FGF12: variants seen among roughly 807,000 people sequenced by gnomAD.
FGF12 encodes the protein fibroblast growth factor 12B.
FGF12 carries 14 observed loss-of-function variants against 23.6 expected under a neutral mutation model. The observed-to-expected ratio is 0.59, with a 90% CI of 0.39 to 0.93. The LOEUF (loss-of-function observed/expected upper bound fraction) is 0.93. FGF12 is among the 40% of genes least tolerant of loss of function. The probability of loss-of-function intolerance (pLI) is 0.00; values close to 1 mark genes in which losing one functional copy is unlikely to be tolerated. For synonymous variants in FGF12, 62 were observed against 77.3 expected (o/e 0.80, Z 1.04); for missense variants, 175 against 217.8 (o/e 0.80, Z 1.24).
At chr3:192,577,877 T>G (rs1712977028) in intron 2 of FGF12, among the ~76,000 whole-genome samples, 1 of 149,496 alleles carries the variant, frequency 6.7e-6, no homozygotes, top group Non-Finnish European at 1.5e-5. Context: ...ATGTGAAGTG[T>G]TAGATAAAGC....
intron 4 of FGF12, among the ~76,000 whole-genome samples, chr3:192,275,729 G>A (rs1373349666): frequency 6.6e-6 from 1 of 152,126 alleles, no homozygotes; most frequent in Non-Finnish European, 1.5e-5. Flanking sequence ...TAAACAACTA[G>A]AAATGTACTT....
At chr3:192,696,843 A>G (rs770093651) in intron 2 of FGF12, among the ~76,000 whole-genome samples, 4 of 151,950 alleles carry the variant, frequency 2.6e-5, no homozygotes, top group Non-Finnish European at 5.9e-5. Context: ...TTTATATAAC[A>G]AGGCCACACT....
intron 2 of FGF12, among the ~76,000 whole-genome samples, chr3:192,625,535 G>T (rs1396010351): frequency 6.6e-6 from 1 of 151,956 alleles, no homozygotes; most frequent in African/African-American, 2.4e-5. Context: ...GGCTGTTACT[G>T]CCTTTTAAAA....
intron 2 of FGF12, among the ~76,000 whole-genome samples, chr3:192,393,837 G>A (rs555877576): frequency 6.6e-6 from 1 of 152,116 alleles, no homozygotes; most frequent in Admixed American, 6.6e-5. Flanking sequence ...CTAAGAGAAT[G>A]TCAAGGCTGA....
At chr3:192,436,071 C>T (rs1039088219) in intron 2 of FGF12, among the ~76,000 whole-genome samples, 4 of 152,164 alleles carry the variant, frequency 2.6e-5, no homozygotes, top group South Asian at 2.1e-4. Context: ...ACTCACTTCA[C>T]GCCAGGCCTC....
chr3:192,580,929 TG>T (rs1488092135), intron 2 of FGF12, among the ~76,000 whole-genome samples: 1 of 152,194 alleles, frequency 6.6e-6, no homozygotes, highest in African/African-American at 2.4e-5. Context: ...CACTAATACA[TG>T]TTGTGAGGAT....
Position 192,408,423 on chromosome 3 carries a change from A to G in FGF12, c.14-47885T>C. On this transcript the variant is annotated intron_variant, in intron 2 of 5. Coordinates refer to ENST00000445105, the MANE Select transcript of FGF12 (RefSeq NM_004113.6). The surrounding 1 kb of genome is among the most constrained non-coding windows in gnomAD (Gnocchi z 7.3). ...CTGGGCAGTGGCGACAAAATGTGTG[A>G]AAATCCAGATGTAAACTTCCCCAAC... 1 of 1,400,866 alleles carries G rather than the reference A, an allele frequency of 7.1e-7. No individual in the cohort carries two copies. The highest frequency in any genetic ancestry group is 9.2e-7 in the Non-Finnish European group (1 of 1,083,248). The allele number at this position is 1,400,866 out of a possible 1,614,324, so 86.8% of individuals were successfully genotyped here.
At chr3:192,668,952 G>A (rs1471160070) in intron 2 of FGF12, among the ~76,000 whole-genome samples, 6 of 151,914 alleles carry the variant, frequency 3.9e-5, no homozygotes, top group Non-Finnish European at 8.8e-5. Context: ...AGAATCAGCA[G>A]TTAGGAAATT....
Position 192,207,495 on chromosome 3 carries a change from C to T in FGF12, c.229-36839G>A, listed in dbSNP as rs142195453. On this transcript the variant is annotated intron_variant, in intron 4 of 5. Coordinates refer to ENST00000445105, the MANE Select transcript of FGF12 (RefSeq NM_004113.6). ...AAAGTTGTTGGACACGGAGCGATCC[C>T]GGCATAGCCAAAGGCAAATGCAGAG... Among the ~76,000 whole-genome samples, 140 of 152,250 alleles carry T rather than the reference C, an allele frequency of 9.2e-4. 2 individuals are homozygous for T. Among genetic ancestry groups the T allele is most frequent in the African/African-American group, 3.2e-3 (131 of 41,548 alleles).
chr3:192,495,450 G>GAT (rs5855428), intron 2 of FGF12, among the ~76,000 whole-genome samples: 124,594 of 151,648 alleles, frequency 0.82, 52,077 homozygotes, highest in Non-Finnish European at 0.9. Context: ...TCACAACAAT[G>GAT]ATATATATAA....
At chr3:192,717,187 G>C (rs989278958) in intron 2 of FGF12, among the ~76,000 whole-genome samples, 4 of 152,158 alleles carry the variant, frequency 2.6e-5, no homozygotes, top group Non-Finnish European at 4.4e-5. Context: ...AGGTTGATTG[G>C]CTTATAAGAC....
chr3:192,445,126 C>T (rs1722314284), intron 2 of FGF12, among the ~76,000 whole-genome samples: 1 of 152,202 alleles, frequency 6.6e-6, no homozygotes, highest in South Asian at 2.1e-4. Flanking sequence ...TTTGAAACTA[C>T]CATCCATTTT....
At chr3:192,345,405 A>AAAATTCTAATGATAACAATTCAAGTAGTT (rs1717906201) in intron 3 of FGF12, among the ~76,000 whole-genome samples, 5 of 112,952 alleles carry the variant, frequency 4.4e-5, no homozygotes, top group African/African-American at 2.0e-4. Flanking sequence ...GATATAACAT[A>AAAATTCTAATGATAACAATTCAAGTAGTT]GGCCGGGCGC....
chr3:192,367,450 G>T (rs572837831), intron 2 of FGF12, among the ~76,000 whole-genome samples: 11 of 152,132 alleles, frequency 7.2e-5, no homozygotes, highest in Non-Finnish European at 1.3e-4. Context: ...TAGACTATTA[G>T]GGTTAGAAAA....
chr3:192,164,151 T>C (rs762545985), intron 5 of FGF12, among the ~76,000 whole-genome samples: 1 of 152,060 alleles, frequency 6.6e-6, no homozygotes, highest in Non-Finnish European at 1.5e-5. Context: ...TTGTTCTTTG[T>C]CAAAGAGTAT....
chr3:192,510,025 T>A (rs554996956), intron 2 of FGF12, among the ~76,000 whole-genome samples: 4 of 152,314 alleles, frequency 2.6e-5, no homozygotes, highest in South Asian at 2.1e-4. Context: ...GGCGGGGCTC[T>A]TCATCACAGA....
At chr3:192,389,655 A>C (rs1369460789) in intron 2 of FGF12, among the ~76,000 whole-genome samples, 2 of 152,234 alleles carry the variant, frequency 1.3e-5, no homozygotes, top group Non-Finnish European at 2.9e-5. Context: ...TTGATACAAA[A>C]CGCTAATAAA....
chr3:192,259,228 G>A (rs551225489), intron 4 of FGF12, among the ~76,000 whole-genome samples: 1 of 152,158 alleles, frequency 6.6e-6, no homozygotes, highest in East Asian at 1.9e-4. Context: ...TATCAGAAAA[G>A]GTTTTGCTAA....
chr3:192,480,144 T>G (rs1245814503), intron 2 of FGF12, among the ~76,000 whole-genome samples: 1 of 152,122 alleles, frequency 6.6e-6, no homozygotes, highest in East Asian at 1.9e-4. Flanking sequence ...GAAAGGGAAT[T>G]ACAGAATCTA....
Sources: allele counts gnomAD v4.1 joint callset (sites outside exome capture counted in the v4.1 genomes callset), GRCh38; gene constraint gnomAD v4.1.1; non-coding constraint Gnocchi (gnomAD v3.1); transcripts MANE v1.5; gene names NCBI Gene and HGNC (gene_info 2026-07-23, HGNC 2026-07-21).